The following EYA3 variants were observed in gnomAD, a reference collection of about 807,000 sequenced individuals.
EYA3 encodes EYA transcriptional coactivator and phosphatase 3.
Under a neutral mutation model 80.0 loss-of-function variants are expected in EYA3, and 39 were observed. The ratio of observed to expected loss-of-function variants is 0.49; its 90% confidence interval spans 0.38 to 0.64. The LOEUF is 0.64. Among genes scored for constraint, EYA3 ranks in the 30% least tolerant of loss-of-function variants. The pLI is 0.00. For missense variants in EYA3, 523 were observed against 676.1 expected (o/e 0.77, Z 2.51); for synonymous variants, 206 against 232.8 (o/e 0.88, Z 1.05).
At chr1:28,033,910 C>T (rs1391060251) in intron 6 of EYA3, among the ~76,000 whole-genome samples, 1 of 150,462 alleles carries the variant, frequency 6.6e-6, no homozygotes, top group African/African-American at 2.4e-5. Context: ...TCTGCCCAAA[C>T]GGGGCCGGGC....
At chr1:27,979,664 G>A (rs922041417) in intron 16 of EYA3, among the ~76,000 whole-genome samples, 1 of 152,104 alleles carries the variant, frequency 6.6e-6, no homozygotes, top group Admixed American at 6.5e-5. Context: ...ACCTTCTTCA[G>A]TTAAACAAGG....
In EYA3 at chr1:27,971,986, G is replaced by A. The variant is rs1462192833; in HGVS notation, c.*2480C>T. The A allele has an allele frequency of 6.6e-6, 1 of 152,180 alleles. No homozygotes were observed. Among genetic ancestry groups the A allele is most frequent in the Non-Finnish European group, 1.5e-5 (1 of 68,042 alleles). The allele number at this position is 152,180 out of a possible 1,614,324, so 9.4% of individuals were successfully genotyped here. A position where few individuals can be genotyped will look rare whatever the true frequency, so the allele number is the denominator to read the frequency against. On this transcript the variant is annotated 3_prime_UTR_variant, in exon 18 of 18. Coordinates refer to ENST00000373871, the MANE Select transcript of EYA3 (RefSeq NM_001990.4). ...CTTGGCCAAGTTCAAGTTCCTTTTG[G>A]AAAGAGCTAAGCTAGGAAGTCAGAG...
At chr1:28,031,765 T>G (rs888848634) in intron 6 of EYA3, 1 of 152,262 alleles carries the variant, frequency 6.6e-6, no homozygotes, top group Admixed American at 6.5e-5. Context: ...TAATTTAATG[T>G]AAGTACTTTT....
At chr1:28,068,600 C>A (rs1571945232) in intron 1 of EYA3, among the ~76,000 whole-genome samples, 1 of 150,576 alleles carries the variant, frequency 6.6e-6, no homozygotes, top group African/African-American at 2.4e-5. Flanking sequence ...GAACAAAGAG[C>A]TACTTCTGAA....
intron 1 of EYA3, among the ~76,000 whole-genome samples, chr1:28,062,316 G>A (rs1272108496): frequency 1.3e-5 from 2 of 152,124 alleles, no homozygotes; most frequent in Non-Finnish European, 2.9e-5. Flanking sequence ...CTCTACCTGT[G>A]AATGCTGACA....
chr1:28,055,997 T>A (rs576120972), intron 2 of EYA3, among the ~76,000 whole-genome samples: 8,517 of 148,908 alleles, frequency 0.057, 728 homozygotes, highest in African/African-American at 0.19. Context: ...GTGAAAAGCT[T>A]TTTTTTTTTA....
At chr1:28,059,826 T>G (rs1338463312) in intron 1 of EYA3, among the ~76,000 whole-genome samples, 1 of 150,314 alleles carries the variant, frequency 6.7e-6, no homozygotes, top group African/African-American at 2.4e-5. Context: ...GTTCAAGCAA[T>G]TTTTCTGCCT....
At chr1:28,083,938 C>T (rs1239390384) in intron 1 of EYA3, among the ~76,000 whole-genome samples, 1 of 152,122 alleles carries the variant, frequency 6.6e-6, no homozygotes, top group Non-Finnish European at 1.5e-5. Flanking sequence ...AAATGTATTA[C>T]AAAGAGTATT....
At chr1:27,986,234 G>A (rs1639645196) in intron 16 of EYA3, among the ~76,000 whole-genome samples, 1 of 151,692 alleles carries the variant, frequency 6.6e-6, no homozygotes, top group South Asian at 2.1e-4. Context: ...GCATGGTGGT[G>A]CATGCCTGTA....
intron 14 of EYA3, chr1:27,990,234 T>G: frequency 5.6e-6 from 1 of 179,236 alleles, no homozygotes; most frequent in Non-Finnish European, 1.3e-5. Flanking sequence ...AAGCACTTGG[T>G]GGTGGAGGCA....
At chr1:28,077,652 A>C (rs1288004177) in intron 1 of EYA3, among the ~76,000 whole-genome samples, 2 of 152,216 alleles carry the variant, frequency 1.3e-5, no homozygotes, top group Non-Finnish European at 2.9e-5. Flanking sequence ...AAAAAACAAG[A>C]AATCAAAAAG....
rs149663371 is a variant in EYA3, at chr1:27,996,061, C to T, written c.1142+1259G>A. ...CTAATTTTTGTATTTTTAGTAGAGA[C>T]GGGGTTTCGCCATGTTAGCCAGGCT... On this transcript the variant is annotated intron_variant, in intron 13 of 17. Transcript: ENST00000373871. Among the ~76,000 whole-genome samples, 20 of 152,146 alleles carry T rather than the reference C, an allele frequency of 1.3e-4. No individual in the cohort carries two copies. In the East Asian group the frequency reaches 3.5e-3, roughly 26 times the overall value.
chr1:28,001,842 T>C (rs1417146017), intron 11 of EYA3, among the ~76,000 whole-genome samples: 3 of 150,550 alleles, frequency 2.0e-5, no homozygotes, highest in Non-Finnish European at 4.4e-5. Context: ...GTGATCCTCC[T>C]GCCTCAGCCT....
At chr1:28,076,783 C>T (rs1645226325) in intron 1 of EYA3, among the ~76,000 whole-genome samples, 1 of 147,316 alleles carries the variant, frequency 6.8e-6, no homozygotes, top group Admixed American at 6.7e-5. Flanking sequence ...TCTCATTGCC[C>T]AGGCTGGAGT....
chr1:28,026,315 T>C (rs1642781393), intron 7 of EYA3, among the ~76,000 whole-genome samples: 1 of 152,142 alleles, frequency 6.6e-6, no homozygotes, highest in Non-Finnish European at 1.5e-5. Context: ...AAAAGGCCTA[T>C]CAACATAGAG....
chr1:28,025,340 T>C (rs938586710), intron 7 of EYA3, among the ~76,000 whole-genome samples: 6 of 152,190 alleles, frequency 3.9e-5, no homozygotes, highest in Admixed American at 1.3e-4. Flanking sequence ...ATTTAGATAT[T>C]TGTTAGCAAA....
At chr1:27,985,812 C>T (rs570554007) in intron 16 of EYA3, among the ~76,000 whole-genome samples, 1 of 152,024 alleles carries the variant, frequency 6.6e-6, no homozygotes, top group Non-Finnish European at 1.5e-5. Flanking sequence ...GAACTCCTGG[C>T]CACAAGTAAT....
At chr1:28,049,641 C>T (rs1644164951) in intron 2 of EYA3, among the ~76,000 whole-genome samples, 1 of 151,920 alleles carries the variant, frequency 6.6e-6, no homozygotes, top group Non-Finnish European at 1.5e-5. Flanking sequence ...CAGACTGTGA[C>T]AAAAAAATCT....
At chr1:28,027,978 C>G in intron 6 of EYA3, 52 bp from the exon 7 acceptor site, 1 of 1,586,088 alleles carries the variant, frequency 6.3e-7, no homozygotes, top group Non-Finnish European at 8.6e-7. Context: ...GACTGAGGAG[C>G]ATGGTTATGC....
Sources: gnomAD v4.1 joint callset for allele counts (sites outside exome capture counted in the v4.1 genomes callset) on GRCh38, gnomAD v4.1.1 for gene constraint, MANE v1.5 for transcripts, NCBI Gene and HGNC (gene_info 2026-07-23, HGNC 2026-07-21) for gene names.